Variants in DPP10 observed in about 807,000 individuals in gnomAD.
DPP10 encodes dipeptidyl peptidase like 10, also known as inactive dipeptidyl peptidase 10.
Under a neutral mutation model 120.9 loss-of-function variants are expected in DPP10, and 33 were observed. That is an observed-to-expected ratio of 0.27 (90% CI 0.21 to 0.37). The LOEUF is 0.37. Ranked by LOEUF, DPP10 falls within the 10% of genes least tolerant of loss-of-function variation. The pLI, the probability that DPP10 is intolerant of heterozygous loss-of-function variation, is 1.00. For missense variants in DPP10, 816 were observed against 942.8 expected (o/e 0.87, Z 1.76); for synonymous variants, 337 against 326.1 (o/e 1.03, Z -0.36).
chr2:115,336,578 T>C (rs2063145327), intron 2 of DPP10, among the ~76,000 whole-genome samples: 1 of 149,614 alleles, frequency 6.7e-6, no homozygotes, highest in Admixed American at 6.7e-5. Context: ...TCTCTCTCTC[T>C]CTCTGTCTCT....
chr2:115,703,743 C>T (rs1175210693), intron 7 of DPP10, among the ~76,000 whole-genome samples: 1 of 151,968 alleles, frequency 6.6e-6, no homozygotes, highest in East Asian at 1.9e-4. Flanking sequence ...AACGTCTAGA[C>T]TAGTGTTTTA....
chr2:114,920,301 T>G (rs1199729409), intron 1 of DPP10, among the ~76,000 whole-genome samples: 1 of 152,152 alleles, frequency 6.6e-6, no homozygotes, highest in Non-Finnish European at 1.5e-5. Context: ...CCAGAACACA[T>G]GTTCTAAGGA....
chr2:114,488,772 A>G (rs932541746), intron 1 of DPP10, among the ~76,000 whole-genome samples: 3 of 152,184 alleles, frequency 2.0e-5, no homozygotes, highest in African/African-American at 4.8e-5. Flanking sequence ...CATCCTTTTA[A>G]TAAGAAGGTC....
chr2:114,837,218 G>T (rs536174167), intron 1 of DPP10, among the ~76,000 whole-genome samples: 1 of 152,298 alleles, frequency 6.6e-6, no homozygotes, highest in African/African-American at 2.4e-5. Flanking sequence ...TATGTTCAGA[G>T]ATTGCAGTAA....
At chr2:115,290,866 T>C (rs750481364) in intron 1 of DPP10, among the ~76,000 whole-genome samples, 1 of 152,148 alleles carries the variant, frequency 6.6e-6, no homozygotes, top group Admixed American at 6.5e-5. Flanking sequence ...TGTCTTATCT[T>C]AAAACAGAGA....
At chr2:115,028,039 T>C (rs1300216344) in intron 1 of DPP10, among the ~76,000 whole-genome samples, 1 of 152,118 alleles carries the variant, frequency 6.6e-6, no homozygotes, top group Non-Finnish European at 1.5e-5. Context: ...TTGTTTATCT[T>C]TTCCAAAAAC....
chr2:114,623,554 G>A (rs1185364534), intron 1 of DPP10, among the ~76,000 whole-genome samples: 1 of 152,050 alleles, frequency 6.6e-6, no homozygotes, highest in Non-Finnish European at 1.5e-5. Flanking sequence ...ACCAAGGCAA[G>A]TTAAAATCTT....
At chr2:115,214,163 A>C (rs1478449485) in intron 1 of DPP10, among the ~76,000 whole-genome samples, 2 of 152,188 alleles carry the variant, frequency 1.3e-5, no homozygotes, top group African/African-American at 4.8e-5. Flanking sequence ...ATGCAAATTG[A>C]GAACTGAGAG....
intron 1 of DPP10, among the ~76,000 whole-genome samples, chr2:114,530,773 ATTC>A (rs1262572624): frequency 6.6e-6 from 1 of 152,164 alleles, no homozygotes; most frequent in Non-Finnish European, 1.5e-5. Flanking sequence ...TACAGTATTA[ATTC>A]TTAAGTTTTG....
chr2:115,642,670 C>A (rs2149353337), intron 5 of DPP10, among the ~76,000 whole-genome samples: 1 of 152,172 alleles, frequency 6.6e-6, no homozygotes, highest in Middle Eastern at 3.4e-3. Flanking sequence ...CTATCTCTCT[C>A]TCTCCCTCTC....
At chr2:114,588,874 T>C (rs897630185) in intron 1 of DPP10, among the ~76,000 whole-genome samples, 1 of 152,012 alleles carries the variant, frequency 6.6e-6, no homozygotes, top group Non-Finnish European at 1.5e-5. Flanking sequence ...ATGTTACTGA[T>C]TGGCACTCAG....
rs138298412 is a variant in DPP10, at chr2:114,696,737, G to A, written c.60+253899G>A. 5.9e-5 allele frequency among the ~76,000 whole-genome samples: 9 copies of A among 151,534 alleles called. 1 individual carries two copies. The highest frequency in any genetic ancestry group is 2.0e-4 in the East Asian group (1 of 5,082). On this transcript the variant is annotated intron_variant, in intron 1 of 25. Coordinates refer to ENST00000410059, the MANE Select transcript of DPP10 (RefSeq NM_020868.6). ...CTAAACTCTGCGTGTGTGTGTGCGC[G>A]CGTGCCATAAAGCCAAGGTGGAGAG...
At chr2:114,710,691 G>T (rs1700970281) in intron 1 of DPP10, among the ~76,000 whole-genome samples, 1 of 152,166 alleles carries the variant, frequency 6.6e-6, no homozygotes, top group Non-Finnish European at 1.5e-5. Flanking sequence ...GTTGCAGACA[G>T]TTGAGATCAT....
At chr2:115,465,522 C>A (rs547843472) in intron 3 of DPP10, among the ~76,000 whole-genome samples, 9 of 152,170 alleles carry the variant, frequency 5.9e-5, no homozygotes, top group African/African-American at 1.9e-4. Context: ...AGTCTAAATG[C>A]GTTAAAATGG....
At chr2:115,601,839 A>ATTTTTTTTTTT in intron 5 of DPP10, among the ~76,000 whole-genome samples, 1 of 139,956 alleles carries the variant, frequency 7.1e-6, no homozygotes, top group African/African-American at 2.6e-5. Flanking sequence ...ATGCCTGGCT[A>ATTTTTTTTTTT]TTTTTTTTTT....
rs181697234 is a variant in DPP10 at position 114,658,373 on chromosome 2, G to A, written c.60+215535G>A. 7.5e-3 allele frequency among the ~76,000 whole-genome samples: 1,147 copies of A among 152,278 alleles called. 47 individuals are homozygous for A. Among genetic ancestry groups the A allele is most frequent in the Admixed American group, 0.069 (1,055 of 15,286 alleles). ...GATAAGCTGTCTTGGCTAAAAGATA[G>A]GAGATTAATGAGAAAGAATAGTGGC... On this transcript the variant is annotated intron_variant, in intron 1 of 25. Coordinates refer to ENST00000410059, the MANE Select transcript of DPP10 (RefSeq NM_020868.6).
intron 1 of DPP10, among the ~76,000 whole-genome samples, chr2:115,241,224 G>A (rs149946352): frequency 1.3e-5 from 2 of 152,260 alleles, no homozygotes; most frequent in East Asian, 3.9e-4. Context: ...AGCTGAGATC[G>A]TGCTACTGCA....
intron 5 of DPP10, among the ~76,000 whole-genome samples, chr2:115,607,944 A>G (rs2083812109): frequency 6.6e-6 from 1 of 152,190 alleles, no homozygotes; most frequent in Admixed American, 6.5e-5. Context: ...TGTTGTAACT[A>G]TTCTAAAGTT....
intron 1 of DPP10, among the ~76,000 whole-genome samples, chr2:114,474,198 C>T (rs1680183205): frequency 6.6e-6 from 1 of 152,194 alleles, no homozygotes; most frequent in South Asian, 2.1e-4. Context: ...CCTAGTGATC[C>T]ACCCGCCTTG....
Sources: gnomAD v4.1 joint callset for allele counts (sites outside exome capture counted in the v4.1 genomes callset) on GRCh38, gnomAD v4.1.1 for gene constraint, MANE v1.5 for transcripts, NCBI Gene and HGNC (gene_info 2026-07-23, HGNC 2026-07-21) for gene names.